The following NOL4 variants were observed in gnomAD, a reference collection of about 807,000 sequenced individuals.
The protein encoded by NOL4 is cancer/testis antigen 125.
Under a neutral mutation model 75.9 loss-of-function variants are expected in NOL4, and 17 were observed. The observed-to-expected ratio is 0.22, with a 90% confidence interval of 0.15 to 0.34. NOL4 has a LOEUF of 0.34. Ranked by LOEUF, NOL4 falls within the 10% of genes least tolerant of loss-of-function variation. The pLI is 1.00. For synonymous variants in NOL4, 292 were observed against 289.9 expected (o/e 1.01, Z -0.07); for missense variants, 614 against 793.5 (o/e 0.77, Z 2.72).
In NOL4 at chr18:34,151,944, G is replaced by A. The variant is rs114192029; in HGVS notation, c.265-21924C>T. Among the ~76,000 whole-genome samples, 500 of 151,904 alleles carry A rather than the reference G, an allele frequency of 3.3e-3. 5 individuals carry two copies. Among genetic ancestry groups the A allele is most frequent in the African/African-American group, 0.012 (482 of 41,506 alleles). ...GCGGCAACAGAGGAAAGTTATTCTA[G>A]TGGACCGACAACCAGCTCAAGGAAT... On this transcript the variant is annotated intron_variant, in intron 1 of 10. Transcript: ENST00000261592.
chr18:34,016,703 C>T (rs1256421980), intron 6 of NOL4, among the ~76,000 whole-genome samples: 1 of 152,092 alleles, frequency 6.6e-6, no homozygotes, highest in African/African-American at 2.4e-5. Context: ...CACCCTTCCT[C>T]TGTTCTTTCA....
chr18:33,890,795 G>A (rs1381155142), intron 9 of NOL4, among the ~76,000 whole-genome samples: 2 of 151,952 alleles, frequency 1.3e-5, no homozygotes, highest in Non-Finnish European at 1.5e-5. Context: ...TAATACGCAG[G>A]TCAGAGGTAA....
intron 6 of NOL4, among the ~76,000 whole-genome samples, chr18:33,982,726 A>G (rs1301581917): frequency 1.3e-5 from 2 of 148,608 alleles, no homozygotes; most frequent in South Asian, 2.2e-4. Context: ...AAACTGTGGT[A>G]TATCCAGACA....
intron 2 of NOL4, among the ~76,000 whole-genome samples, chr18:34,125,365 C>G (rs2080337633): frequency 6.6e-6 from 1 of 152,142 alleles, no homozygotes; most frequent in African/African-American, 2.4e-5. Flanking sequence ...GGCCTATGCA[C>G]AAAGAGGCTA....
chr18:34,016,941 T>C (rs2074731680), intron 6 of NOL4, among the ~76,000 whole-genome samples: 1 of 152,114 alleles, frequency 6.6e-6, no homozygotes, highest in Non-Finnish European at 1.5e-5. Context: ...AAGGATGTCA[T>C]GTTCTTCCTC....
intron 9 of NOL4, among the ~76,000 whole-genome samples, chr18:33,918,445 A>G (rs918583181): frequency 1.3e-5 from 2 of 152,134 alleles, no homozygotes; most frequent in Non-Finnish European, 2.9e-5. Flanking sequence ...TATGTTATTT[A>G]TAATATAGCA....
chr18:34,146,099 T>C (rs2081381205), intron 1 of NOL4, among the ~76,000 whole-genome samples: 1 of 152,078 alleles, frequency 6.6e-6, no homozygotes, highest in Non-Finnish European at 1.5e-5. Flanking sequence ...TTGTTGGATA[T>C]TGTCTTCCAA....
intron 9 of NOL4, among the ~76,000 whole-genome samples, chr18:33,924,818 C>A (rs1486337254): frequency 6.6e-6 from 1 of 152,054 alleles, no homozygotes; most frequent in Non-Finnish European, 1.5e-5. Flanking sequence ...ATTTTGTGGA[C>A]TAATATTTGA....
chr18:34,109,614 A>T (rs1568353328), intron 2 of NOL4, among the ~76,000 whole-genome samples: 1 of 152,044 alleles, frequency 6.6e-6, no homozygotes, highest in Non-Finnish European at 1.5e-5. Flanking sequence ...AAGAAGTAGA[A>T]AAAGAAGAAC....
chr18:34,106,103 T>C (rs1350688383), intron 2 of NOL4, among the ~76,000 whole-genome samples: 1 of 152,084 alleles, frequency 6.6e-6, no homozygotes, highest in East Asian at 1.9e-4. Context: ...ATAAATGAGT[T>C]GCAAATAAGA....
chr18:34,123,636 CAG>C (rs1444877692), intron 2 of NOL4, among the ~76,000 whole-genome samples: 7 of 141,956 alleles, frequency 4.9e-5, no homozygotes, highest in Non-Finnish European at 9.1e-5. Context: ...TATATAGATA[CAG>C]AGAGATATAC....
At chr18:34,217,281 T>G (rs192276123) in intron 1 of NOL4, among the ~76,000 whole-genome samples, 1 of 152,232 alleles carries the variant, frequency 6.6e-6, no homozygotes, top group Non-Finnish European at 1.5e-5. Flanking sequence ...TCTTTCTTTT[T>G]TTTTATTTAT....
At chr18:34,027,828 T>C (rs141029151) in intron 5 of NOL4, among the ~76,000 whole-genome samples, 1 of 152,166 alleles carries the variant, frequency 6.6e-6, no homozygotes, top group Admixed American at 6.5e-5. Context: ...TTTATTTTTG[T>C]CATAGTAAGA....
At chr18:34,104,330 G>C (rs1310248446) in intron 3 of NOL4, among the ~76,000 whole-genome samples, 171 bp from the exon 4 acceptor site, 1 of 151,962 alleles carries the variant, frequency 6.6e-6, no homozygotes, top group Admixed American at 6.6e-5. Context: ...TTCTACAAAG[G>C]TGTATTGACA....
intron 5 of NOL4, among the ~76,000 whole-genome samples, chr18:34,049,511 T>C (rs1482270471): frequency 1.3e-5 from 2 of 151,982 alleles, no homozygotes; most frequent in African/African-American, 4.8e-5. Context: ...TTCAAATGAG[T>C]ACATCCTTTT....
At chr18:34,082,048 G>A (rs1205646273) in intron 5 of NOL4, among the ~76,000 whole-genome samples, 1 of 151,954 alleles carries the variant, frequency 6.6e-6, no homozygotes, top group Non-Finnish European at 1.5e-5. Flanking sequence ...ATCTACAAGT[G>A]GTTATTATAG....
intron 9 of NOL4, among the ~76,000 whole-genome samples, chr18:33,912,141 T>G (rs2066445920): frequency 6.6e-6 from 1 of 152,104 alleles, no homozygotes; most frequent in Non-Finnish European, 1.5e-5. Context: ...TGGCTTCTAA[T>G]TGATGTCACC....
At chr18:34,003,635 T>C (rs988417382) in intron 6 of NOL4, among the ~76,000 whole-genome samples, 2 of 152,092 alleles carry the variant, frequency 1.3e-5, no homozygotes, top group African/African-American at 4.8e-5. Context: ...CCCTGCCTTA[T>C]CTCCTCTCAT....
chr18:34,222,243 C>A, intron 1 of NOL4: 1 of 1,402,222 alleles, frequency 7.1e-7, no homozygotes, highest in Non-Finnish European at 9.2e-7. Context: ...GAAAAAGGAA[C>A]AAATACACAC....
Sources: gnomAD v4.1 joint callset for allele counts (sites outside exome capture counted in the v4.1 genomes callset) on GRCh38, gnomAD v4.1.1 for gene constraint, MANE v1.5 for transcripts, NCBI Gene and HGNC (gene_info 2026-07-23, HGNC 2026-07-21) for gene names.